Variants in HPS5 observed in about 807,000 individuals in gnomAD.
The protein encoded by HPS5 is HPS5 biogenesis of lysosomal organelles complex 2 subunit 2.
In HPS5, 83 loss-of-function variants were observed where a neutral mutation model predicts 128.0. The observed-to-expected ratio is 0.65, with a 90% confidence interval of 0.54 to 0.78. The LOEUF is 0.78. HPS5 is among the 30% of genes least tolerant of loss of function. The pLI, the probability that HPS5 is intolerant of heterozygous loss-of-function variation, is 0.00. For synonymous variants in HPS5, 475 were observed against 470.2 expected (o/e 1.01, Z -0.13); for missense variants, 1,281 against 1,326.2 (o/e 0.97, Z 0.53).
chr11:18,306,755 C>A (rs1350607788), intron 6 of HPS5, among the ~76,000 whole-genome samples: 1 of 152,224 alleles, frequency 6.6e-6, no homozygotes, highest in Admixed American at 6.5e-5. Flanking sequence ...AGTTCTCCAA[C>A]CCTGTCTCCA....
At chr11:18,306,868 A>C (rs1001974123) in intron 6 of HPS5, among the ~76,000 whole-genome samples, 1 of 152,206 alleles carries the variant, frequency 6.6e-6, no homozygotes, top group Non-Finnish European at 1.5e-5. Context: ...CCTTAGGATT[A>C]CATGAGTTAG....
intron 16 of HPS5, among the ~76,000 whole-genome samples, chr11:18,290,958 C>T (rs762302304): frequency 5.9e-5 from 9 of 152,198 alleles, no homozygotes; most frequent in Non-Finnish European, 1.2e-4. Context: ...GTGGTTGATG[C>T]CTGTGATCCC....
intron 14 of HPS5, among the ~76,000 whole-genome samples, chr11:18,294,336 A>G (rs1036226438): frequency 6.6e-6 from 1 of 152,196 alleles, no homozygotes; most frequent in African/African-American, 2.4e-5. Flanking sequence ...TAGATAATAT[A>G]AAAGGTGGTC....
chr11:18,300,519 A>C (rs1861569992), intron 9 of HPS5, among the ~76,000 whole-genome samples: 1 of 152,082 alleles, frequency 6.6e-6, no homozygotes, highest in South Asian at 2.1e-4. Flanking sequence ...CAACATGGCG[A>C]AACTCCATCT....
Position 18,310,735 on chromosome 11 carries a change from T to G in HPS5, c.477+6A>C. ...TACATACACAAAGAATGGGACTGCT[T>G]CTCACCTTTGCTTGTTTAGAAGTAT... On this transcript the variant is annotated splice_donor_region_variant and intron_variant, in intron 5 of 22. Coordinates refer to ENST00000349215, the MANE Select transcript of HPS5 (RefSeq NM_181507.2). 2 of 1,609,012 alleles carry G rather than the reference T, an allele frequency of 1.2e-6. No individual in the cohort carries two copies. Among genetic ancestry groups the G allele is most frequent in the South Asian group, 1.1e-5 (1 of 90,838 alleles).
intron 5 of HPS5, among the ~76,000 whole-genome samples, chr11:18,309,486 G>T (rs964520886): frequency 1.3e-5 from 2 of 152,118 alleles, no homozygotes; most frequent in Non-Finnish European, 2.9e-5. Flanking sequence ...TGCCAGCCTG[G>T]GCAACAGAAG....
intron 12 of HPS5, 82 bp downstream of exon 12, chr11:18,296,716 G>A (rs760175206): frequency 3.5e-5 from 44 of 1,253,100 alleles, no homozygotes; most frequent in Middle Eastern, 1.9e-4. Context: ...GAGAAATTCC[G>A]TGCACAAGAT....
Position 18,297,415 on chromosome 11 carries a change from A to G in HPS5, c.1323+144T>C, listed in dbSNP as rs932182264. On this transcript the variant is annotated intron_variant, in intron 11 of 22. Transcript: ENST00000349215. ...AATGGAGGCTTCACAGAGCTGAGCC[A>G]CTAGCTGAACAAAAGTTCACCCCTT... The G allele has an allele frequency of 1.3e-5, 9 of 703,616 alleles. No homozygotes were observed. The African/African-American group carries it at 1.6e-4, about 13-fold the overall frequency. The allele number at this position is 703,616 out of a possible 1,614,324, so 43.6% of individuals were successfully genotyped here.
intron 8 of HPS5, among the ~76,000 whole-genome samples, chr11:18,304,467 C>T (rs7949630): frequency 2.0e-5 from 3 of 152,132 alleles, no homozygotes; most frequent in African/African-American, 4.8e-5. Context: ...CTGTCCGCCT[C>T]GGTCTCCCAA....
intron 14 of HPS5, 83 bp downstream of exon 14, chr11:18,294,937 C>T (rs1590081324): frequency 2.7e-6 from 4 of 1,467,976 alleles, no homozygotes; most frequent in Non-Finnish European, 2.9e-6. Flanking sequence ...GGGCCACAGG[C>T]TGCACAAGGT....
At position 18,283,839 on chromosome 11, in the gene HPS5, T is replaced by C. The variant is rs773572686; in HGVS notation, c.3014A>G (p.Asn1005Ser). ...ELERRREAFT[N>S]IVYLNDMSLM... ...GCTCATATCATTCAGATACACAATA[T>C]TGGTGAAGGCCTCTCTTCTTCTCTC... The change falls in exon 21 of 23, where the codon AAT (asparagine) becomes AGT (serine). Residue 1005 changes from asparagine (N) to serine (S), a missense_variant. Transcript: ENST00000349215. 2.8e-5 allele frequency: 45 copies of C among 1,613,156 alleles called. No homozygotes were observed. The highest frequency in any genetic ancestry group is 9.3e-5 in the African/African-American group (7 of 74,900).
At position 18,310,931 on chromosome 11, in the gene HPS5, T is replaced by C. The variant is rs1378225176; in HGVS notation, c.287A>G (p.Gln96Arg). The C allele has an allele frequency of 6.2e-7, 1 of 1,613,836 alleles. No individual in the cohort carries two copies. Among genetic ancestry groups the C allele is most frequent in the African/African-American group, 1.3e-5 (1 of 74,926 alleles). ...TAATTCCCAAACAACCACAAGACCTTGACTGCAAGAATTGAGTCACAGAGG... is the reference window on the plus strand; with the variant it reads ...TAATTCCCAAACAACCACAAGACCTCGACTGCAAGAATTGAGTCACAGAGG... The part of the protein sequence containing the change: ...DDDYVAVATS[Q>R]GLVVVWELNQ... Residue 96 changes from glutamine to arginine, a missense_variant and splice_region_variant, in exon 5 of 23, where the codon CAA becomes CGA. Gln to Arg is a conservative substitution (Grantham distance 43). Coordinates refer to ENST00000349215, the MANE Select transcript of HPS5 (RefSeq NM_181507.2).
At chr11:18,297,486 T>TA in intron 11 of HPS5, 73 bp downstream of exon 11, 1 of 1,417,510 alleles carries the variant, frequency 7.1e-7, no homozygotes, top group Admixed American at 1.7e-5. Context: ...TTGGGGATCC[T>TA]AGAGGTAAAT....
chr11:18,295,898 G>C (rs1336961595), intron 13 of HPS5, 101 bp downstream of exon 13: 1 of 1,263,782 alleles, frequency 7.9e-7, no homozygotes, highest in Non-Finnish European at 1.2e-6. Context: ...GAAAACAAGA[G>C]ACTTCCTTTT....
At chr11:18,308,849 T>A in intron 6 of HPS5, 97 bp downstream of exon 6, 1 of 1,186,146 alleles carries the variant, frequency 8.4e-7, no homozygotes, top group African/African-American at 1.6e-5. Context: ...AAAAAAAATC[T>A]GTATAACTGA....
intron 1 of HPS5, among the ~76,000 whole-genome samples, chr11:18,320,254 G>A (rs1864164270): frequency 6.6e-6 from 1 of 152,154 alleles, no homozygotes; most frequent in African/African-American, 2.4e-5. Context: ...TTCCCTTCCA[G>A]ATTTTCTTAT....
At chr11:18,298,310 G>A (rs547203021) in intron 10 of HPS5, among the ~76,000 whole-genome samples, 2 of 151,982 alleles carry the variant, frequency 1.3e-5, no homozygotes, top group South Asian at 2.1e-4. Flanking sequence ...TGGCCAACAC[G>A]GTGAAACCCC....
chr11:18,286,884 A>G (rs992335400), intron 18 of HPS5, 174 bp from the exon 19 acceptor site: 18 of 770,650 alleles, frequency 2.3e-5, no homozygotes, highest in Non-Finnish European at 3.3e-5. Context: ...CCAAGATAAC[A>G]AAGAAAATGT....
At chr11:18,285,557 C>A (rs1370053326) in intron 19 of HPS5, 98 bp from the exon 20 acceptor site, 1 of 794,880 alleles carries the variant, frequency 1.3e-6, no homozygotes, top group Non-Finnish European at 2.1e-6. Flanking sequence ...TAACTGCATT[C>A]TATTACTACA....
Sources: allele counts gnomAD v4.1 joint callset (sites outside exome capture counted in the v4.1 genomes callset), GRCh38; gene constraint gnomAD v4.1.1; transcripts MANE v1.5; gene names NCBI Gene and HGNC (gene_info 2026-07-23, HGNC 2026-07-21).